Variants in ZNF629 observed in about 807,000 individuals in gnomAD.
ZNF629 encodes DNA-binding protein.
ZNF629 carries 9 observed loss-of-function variants against 59.7 expected under a neutral mutation model. That is an observed-to-expected ratio of 0.15 (90% CI 0.09 to 0.26). The LOEUF is 0.26. ZNF629 is among the 10% of genes least tolerant of loss of function. The pLI, the probability that ZNF629 is intolerant of heterozygous loss-of-function variation, is 1.00. For synonymous variants in ZNF629, 509 were observed against 498.9 expected (o/e 1.02, Z -0.27); for missense variants, 853 against 1,165.4 (o/e 0.73, Z 3.90).
chr16:30,783,176 G>A lies in ZNF629; in HGVS notation c.1152C>T (p.Thr384=). 1 of 1,613,530 alleles carries A rather than the reference G, an allele frequency of 6.2e-7. No individual in the cohort carries two copies. Among genetic ancestry groups the A allele is most frequent in the East Asian group, 2.2e-5 (1 of 44,826 alleles). The change falls in exon 3 of 3, where the codon ACC becomes ACT. Residue 384 remains threonine (T), a synonymous_variant. Transcript: ENST00000262525. ...FKCPVCGKTF[T]LSATLLRHQR... is the part of the protein sequence containing the mutation. Reference sequence around the variant, plus strand: ...GGTGCCGCAGCAACGTGGCGCTCAGGGTGAAGGTCTTGCCGCACACTGGGC... The same window carrying A: ...GGTGCCGCAGCAACGTGGCGCTCAGAGTGAAGGTCTTGCCGCACACTGGGC...
chr16:30,781,802 A>G lies in ZNF629; in HGVS notation c.2526T>C (p.Tyr842=). 6.2e-7 allele frequency: 1 copy of G among 1,610,298 alleles called. No homozygotes were observed. The highest frequency in any genetic ancestry group is 8.5e-7 in the Non-Finnish European group (1 of 1,177,958). Residue 842 remains tyrosine (Y), a synonymous_variant, in exon 3 of 3, where the codon TAT becomes TAC. Coordinates refer to ENST00000262525, the MANE Select transcript of ZNF629 (RefSeq NM_001080417.3). ...AGCCGGCTCCACACTCGGGGCACAG[A>G]TAGGGCTTTTCTTCCACTAGGGTTT... is the stretch of plus-strand genomic sequence containing the variant. ...NPKTLVEEKP[Y]LCPECGAGFT...
chr16:30,784,250 G>A lies in ZNF629; in HGVS notation c.78C>T (p.Ala26=), dbSNP rs774461782. The change falls in exon 3 of 3, where the codon GCC becomes GCT. Residue 26 remains alanine, a synonymous_variant. Transcript: ENST00000262525. ...EQSPNDAHRG[A]ESENEEESPR... is the part of the protein sequence containing the mutation. ...GGCTCTCCTCTTCGTTTTCACTCTC[G>A]GCACCTACAGAAAGAAAGGGAGTCT... 24 of 1,597,130 alleles carry A rather than the reference G, an allele frequency of 1.5e-5. No homozygotes were observed. The highest frequency in any genetic ancestry group is 2.0e-5 in the Non-Finnish European group (23 of 1,175,822).
rs931780261 is a variant in ZNF629, at chr16:30,786,424, C to A, written c.-34+604G>T. ...GGAGGGAAAGGGTTAATGACAGGGC[C>A]GACACAGAGCATGGACGTGGGAAGA... On this transcript the variant is annotated intron_variant, in intron 1 of 2. Coordinates refer to ENST00000262525, the MANE Select transcript of ZNF629 (RefSeq NM_001080417.3). The surrounding 1 kb of genome is among the most constrained non-coding windows in gnomAD (Gnocchi z 4.8). Among the ~76,000 whole-genome samples, 1 of 152,110 alleles carries A rather than the reference C, an allele frequency of 6.6e-6. No homozygotes were observed. Among genetic ancestry groups the A allele is most frequent in the African/African-American group, 2.4e-5 (1 of 41,412 alleles).
Position 30,786,671 on chromosome 16 carries a change from G to A in ZNF629, c.-34+357C>T, listed in dbSNP as rs535299074. Among the ~76,000 whole-genome samples the A allele has an allele frequency of 6.3e-5, 6 of 95,634 alleles. No homozygotes were observed. The highest frequency in any genetic ancestry group is 1.2e-4 in the Non-Finnish European group (6 of 51,640). The allele number at this position is 95,634 out of a possible 152,430, so 62.7% of individuals were successfully genotyped here. A position where few individuals can be genotyped will look rare whatever the true frequency, so the allele number is the denominator to read the frequency against. On this transcript the variant is annotated intron_variant, in intron 1 of 2. Coordinates refer to ENST00000262525, the MANE Select transcript of ZNF629 (RefSeq NM_001080417.3). This position sits in a 1 kb window ranked among gnomAD's most constrained non-coding sequence, Gnocchi z 4.8. ...CTGCTCCCCCGGAGCCGCGACCCCC[G>A]TCCCGCTGCTGATACAGAGCCTGGG...
chr16:30,786,362 T>A lies in ZNF629; in HGVS notation c.-34+666A>T, dbSNP rs1157641662. On this transcript the variant is annotated intron_variant, in intron 1 of 2. Coordinates refer to ENST00000262525, the MANE Select transcript of ZNF629 (RefSeq NM_001080417.3). The surrounding 1 kb of genome is among the most constrained non-coding windows in gnomAD (Gnocchi z 4.8). ...ACAGGTAAGAGTTTGTGGACCTCGATGGTCTCCAAAAAATTCTCCCCTAGT... is the reference window on the plus strand; with the variant it reads ...ACAGGTAAGAGTTTGTGGACCTCGAAGGTCTCCAAAAAATTCTCCCCTAGT... Among the ~76,000 whole-genome samples, 1 of 151,900 alleles carries A rather than the reference T, an allele frequency of 6.6e-6. No homozygotes were observed. The highest frequency in any genetic ancestry group is 2.4e-5 in the African/African-American group (1 of 41,328).
Position 30,782,031 on chromosome 16 carries a change from C to T in ZNF629, c.2297G>A (p.Arg766Lys). Reference protein sequence around the residue: ...LEHLRSPLGARPYRCSDCRAS... With the variant: ...LEHLRSPLGAKPYRCSDCRAS... ...CCTGCAATCTGAGCAGCGGTAGGGT[C>T]TGGCCCCCAGGGGGCTCCTGAGATG... The change falls in exon 3 of 3, where the codon AGA becomes AAA. Residue 766 changes from arginine (R) to lysine (K), a missense_variant. Arg to Lys is a conservative substitution (Grantham distance 26). Around this residue, in one of 3 missense-constraint regions of ZNF629, gnomAD observed 420 missense variants for 435.6 expected, o/e 0.96. Coordinates refer to ENST00000262525, the MANE Select transcript of ZNF629 (RefSeq NM_001080417.3). 2 of 1,575,362 alleles carry T rather than the reference C, an allele frequency of 1.3e-6. No homozygotes were observed.
intron 1 of ZNF629, among the ~76,000 whole-genome samples, chr16:30,785,408 C>T (rs1447616204): frequency 3.9e-5 from 6 of 152,248 alleles, no homozygotes; most frequent in Admixed American, 3.3e-4. Flanking sequence ...TCTGAGAGCA[C>T]GAGGTGACCT....
Position 30,781,710 on chromosome 16 carries a change from G to T in ZNF629, c.*8C>A. On this transcript the variant is annotated 3_prime_UTR_variant, in exon 3 of 3. Transcript: ENST00000262525. ...GAGAGAGCGAGGCCCCTGGTCTCCA[G>T]ACCCATTTCACAGGGAGACACCTGG... The T allele has an allele frequency of 6.2e-7, 1 of 1,602,596 alleles. No homozygotes were observed. The highest frequency in any genetic ancestry group is 1.1e-5 in the South Asian group (1 of 89,996).
Position 30,783,551 on chromosome 16 carries a change from C to G in ZNF629, c.777G>C (p.Glu259Asp). 1 of 1,614,046 alleles carries G rather than the reference C, an allele frequency of 6.2e-7. No individual in the cohort carries two copies. Among genetic ancestry groups the G allele is most frequent in the Non-Finnish European group, 8.5e-7 (1 of 1,179,950 alleles). ...GGCACTCGCCGCACTTGTAGGGCTT[C>G]TCGCCGGTGTGGGATCGCTGGTGCT... ...LIKHQRSHTG[E>D]KPYKCGECRR... is the part of the protein sequence containing the mutation. The change falls in exon 3 of 3, where the codon GAG becomes GAC. Residue 259 changes from glutamate to aspartate, a missense_variant. Glu to Asp is a conservative substitution (Grantham distance 45). Coordinates refer to ENST00000262525, the MANE Select transcript of ZNF629 (RefSeq NM_001080417.3).
In ZNF629 at chr16:30,783,209, C is replaced by A. The variant is rs755670958; in HGVS notation, c.1119G>T (p.Pro373=). ...TCTTGCCGCACACTGGGCACTTGAA[C>A]GGGTCCTCGCGCAGGTGAGTCCGCT... is the stretch of plus-strand genomic sequence containing the variant. ...KHQRTHLRED[P]FKCPVCGKTF... is the part of the protein sequence containing the mutation. The change falls in exon 3 of 3, where the codon CCG becomes CCT. Residue 373 remains proline, a synonymous_variant. Transcript: ENST00000262525. 1.9e-5 allele frequency: 31 copies of A among 1,609,264 alleles called. No individual in the cohort carries two copies. The highest frequency in any genetic ancestry group is 2.5e-5 in the Non-Finnish European group (30 of 1,178,762).
Position 30,782,438 on chromosome 16 carries a change from C to T in ZNF629, c.1890G>A (p.Ala630=), listed in dbSNP as rs1277275259. 3 of 1,565,794 alleles carry T rather than the reference C, an allele frequency of 1.9e-6. No homozygotes were observed. Among genetic ancestry groups the T allele is most frequent in the Admixed American group, 1.9e-5 (1 of 52,618 alleles). ...PFRGNSYPGA[A]EGRAEAPGQP... The stretch of plus-strand genomic sequence containing the variant: ...GTCCGGGGGCCTCCGCTCTGCCCTC[C>T]GCAGCCCCGGGGTAGGAATTCCCTC... Residue 630 remains alanine, a synonymous_variant, in exon 3 of 3, where the codon GCG becomes GCA. Coordinates refer to ENST00000262525, the MANE Select transcript of ZNF629 (RefSeq NM_001080417.3).
chr16:30,781,621 G>T lies in ZNF629; in HGVS notation c.*97C>A. ...TTTCTCCTCCACTCCACTACCATCTGATAGGGTTATCCTCCCTTCCCCATG... is the reference window on the plus strand; with the variant it reads ...TTTCTCCTCCACTCCACTACCATCTTATAGGGTTATCCTCCCTTCCCCATG... On this transcript the variant is annotated 3_prime_UTR_variant, in exon 3 of 3. Coordinates refer to ENST00000262525, the MANE Select transcript of ZNF629 (RefSeq NM_001080417.3). 1 of 1,258,968 alleles carries T rather than the reference G, an allele frequency of 7.9e-7. No homozygotes were observed. The highest frequency in any genetic ancestry group is 1.1e-6 in the Non-Finnish European group (1 of 948,636). The allele number at this position is 1,258,968 out of a possible 1,614,324, so 78.0% of individuals were successfully genotyped here.
Position 30,781,571 on chromosome 16 carries a change from A to C in ZNF629, c.*147T>G. On this transcript the variant is annotated 3_prime_UTR_variant, in exon 3 of 3. Transcript: ENST00000262525. Reference sequence around the variant, plus strand: ...TATAGGGTTTCTCATCACTGATGTAAAAGCACTATTTTTTCCCAGGGTTCT... The same window carrying C: ...TATAGGGTTTCTCATCACTGATGTACAAGCACTATTTTTTCCCAGGGTTCT... 1.3e-5 allele frequency: 10 copies of C among 741,100 alleles called. No homozygotes were observed. The highest frequency in any genetic ancestry group is 2.0e-5 in the Non-Finnish European group (10 of 509,862). The allele number at this position is 741,100 out of a possible 1,614,324, so 45.9% of individuals were successfully genotyped here.
At position 30,779,006 on chromosome 16, in the gene ZNF629, G is replaced by T. The variant is rs1228184973; in HGVS notation, c.*2712C>A. Reference sequence around the variant, plus strand: ...TCCCAAGACGTAGCTCACTCTGGGAGGGAAGCTCCTGGTTAAAGGAGCTTG... The same window carrying T: ...TCCCAAGACGTAGCTCACTCTGGGATGGAAGCTCCTGGTTAAAGGAGCTTG... On this transcript the variant is annotated 3_prime_UTR_variant, in exon 3 of 3. Coordinates refer to ENST00000262525, the MANE Select transcript of ZNF629 (RefSeq NM_001080417.3). 6.6e-6 allele frequency: 1 copy of T among 152,260 alleles called. No individual in the cohort carries two copies. Among genetic ancestry groups the T allele is most frequent in the Non-Finnish European group, 1.5e-5 (1 of 68,098 alleles). 9.4% of individuals were successfully genotyped at this position (152,260 alleles called of 1,614,324 possible).
Position 30,783,954 on chromosome 16 carries a change from G to A in ZNF629, c.374C>T (p.Pro125Leu), listed in dbSNP as rs1273031578. 3.1e-6 allele frequency: 5 copies of A among 1,587,770 alleles called. No individual in the cohort carries two copies. The African/African-American group carries it at 6.7e-5, about 21-fold the overall frequency. The change falls in exon 3 of 3, where the codon CCC becomes CTC. Residue 125 changes from proline to leucine, a missense_variant. Pro to Leu is a moderately conservative substitution (Grantham distance 98, BLOSUM62 -3). Around this residue, in one of 3 missense-constraint regions of ZNF629, gnomAD observed 232 missense variants for 193.4 expected, o/e 1.20. Transcript: ENST00000262525. ...QWGALTTWNS[P>L]PVVPANEPSL... ...GGGCTCGTTGGCGGGGACGACTGGG[G>A]GGCTGTTCCATGTGGTGAGAGCGCC...
At chr16:30,785,326 C>A (rs969306385) in intron 1 of ZNF629, among the ~76,000 whole-genome samples, 3 of 152,160 alleles carry the variant, frequency 2.0e-5, no homozygotes, top group African/African-American at 7.2e-5. Flanking sequence ...GGAAACCTCT[C>A]CAAGGTCAAG....
Position 30,782,584 on chromosome 16 carries a change from C to A in ZNF629, c.1744G>T (p.Gly582Cys). The change falls in exon 3 of 3, where the codon GGC becomes TGC. Residue 582 changes from glycine (G) to cysteine (C), a missense_variant. By Grantham distance (159) the Gly-to-Cys change is radical. This residue lies in a region of ZNF629 where 420 missense variants were observed against 435.6 expected (regional missense o/e 0.96). Coordinates refer to ENST00000262525, the MANE Select transcript of ZNF629 (RefSeq NM_001080417.3). The stretch of plus-strand genomic sequence containing the variant: ...ATCCTCTGATGTTGCATGAAGATGC[C>A]CTCGTCGTTGAAGCCCTTTCCGCAC... ...LVCGKGFNDE[G>C]IFMQHQRIHI... 11 of 1,561,078 alleles carry A rather than the reference C, an allele frequency of 7.0e-6. No homozygotes were observed. Among genetic ancestry groups the A allele is most frequent in the Non-Finnish European group, 9.5e-6 (11 of 1,151,994 alleles).
chr16:30,781,002 G>A lies in ZNF629; in HGVS notation c.*716C>T, dbSNP rs2054275163. On this transcript the variant is annotated 3_prime_UTR_variant, in exon 3 of 3. Transcript: ENST00000262525. ...TGGGGTTTTGATAAGGGATTCCATA[G>A]GCCTCTTTCCCTAAAACACACAATG... 6.6e-6 allele frequency: 1 copy of A among 151,860 alleles called. No homozygotes were observed. The highest frequency in any genetic ancestry group is 6.6e-5 in the Admixed American group (1 of 15,238). The allele number at this position is 151,860 out of a possible 1,614,324, so 9.4% of individuals were successfully genotyped here.
At position 30,783,596 on chromosome 16, in the gene ZNF629, G is replaced by C. The variant is rs202074870; in HGVS notation, c.732C>G (p.Thr244=). ...YKCTECEKAF[T]QSTNLIKHQR... is the part of the protein sequence containing the mutation. ...GGTGCTTGATGAGGTTGGTGCTCTG[G>C]GTGAAGGCTTTCTCGCACTCCGTGC... Residue 244 remains threonine (T), a synonymous_variant, in exon 3 of 3, where the codon ACC becomes ACG. Coordinates refer to ENST00000262525, the MANE Select transcript of ZNF629 (RefSeq NM_001080417.3). 3 of 1,613,338 alleles carry C rather than the reference G, an allele frequency of 1.9e-6. No individual in the cohort carries two copies. Among genetic ancestry groups the C allele is most frequent in the Non-Finnish European group, 2.5e-6 (3 of 1,179,850 alleles).
Sources: gnomAD v4.1 joint callset for allele counts (sites outside exome capture counted in the v4.1 genomes callset) on GRCh38, gnomAD v4.1.1 for gene constraint, gnomAD v4.1.1 regional missense constraint, Gnocchi (gnomAD v3.1) non-coding constraint, MANE v1.5 for transcripts, NCBI Gene and HGNC (gene_info 2026-07-23, HGNC 2026-07-21) for gene names.